ALDH1B1: variants seen among roughly 807,000 people sequenced by gnomAD.
ALDH1B1 encodes the protein aldehyde dehydrogenase 1 family member B1, also known as aldehyde dehydrogenase family 1 member B1, mitochondrial.
Under a neutral mutation model 26.2 loss-of-function variants are expected in ALDH1B1, and 19 were observed. That is an observed-to-expected ratio of 0.72 (90% CI 0.51 to 1.06). The LOEUF (loss-of-function observed/expected upper bound fraction) is 1.06, where lower values mean the gene tolerates loss of function less well. Ranked by LOEUF, ALDH1B1 falls within the 50% of genes least tolerant of loss-of-function variation. The pLI is 0.00. For missense variants in ALDH1B1, 671 were observed against 683.1 expected (o/e 0.98, Z 0.20); for synonymous variants, 249 against 286.0 (o/e 0.87, Z 1.31).
At chr9:38,395,703 C>T (rs1821264328) in intron 1 of ALDH1B1, 37 bp from the exon 2 acceptor site, 1 of 1,529,750 alleles carries the variant, frequency 6.5e-7, no homozygotes, top group Non-Finnish European at 8.8e-7. Flanking sequence ...CTGCCTTCTC[C>T]CACCTGTTCA....
At position 38,396,390 on chromosome 9, in the gene ALDH1B1, C is replaced by A. The variant is rs1821286136; in HGVS notation, c.642C>A (p.Thr214=). Residue 214 remains threonine (T), a synonymous_variant, in exon 2 of 2, where the codon ACC becomes ACA. Coordinates refer to ENST00000377698, the MANE Select transcript of ALDH1B1 (RefSeq NM_000692.5). Reference sequence around the variant, plus strand: ...TGGTTATGAAGGTGGCAGAGCAGACCCCCCTCTCTGCCCTGTATTTGGCCT... The same window carrying A: ...TGGTTATGAAGGTGGCAGAGCAGACACCCCTCTCTGCCCTGTATTTGGCCT... ...NTVVMKVAEQ[T]PLSALYLASL... 1.2e-6 allele frequency: 2 copies of A among 1,614,174 alleles called. No individual in the cohort carries two copies. Among genetic ancestry groups the A allele is most frequent in the Non-Finnish European group, 1.7e-6 (2 of 1,180,048 alleles).
At chr9:38,393,548 T>G (rs1205910483) in intron 1 of ALDH1B1, among the ~76,000 whole-genome samples, 1 of 152,230 alleles carries the variant, frequency 6.6e-6, no homozygotes, top group Non-Finnish European at 1.5e-5. Flanking sequence ...CCTTGGCCTA[T>G]GACCACCTCT....
chr9:38,393,642 A>C (rs1254302383), intron 1 of ALDH1B1, among the ~76,000 whole-genome samples: 1 of 152,062 alleles, frequency 6.6e-6, no homozygotes, highest in Non-Finnish European at 1.5e-5. Flanking sequence ...CCTCACCCTC[A>C]GAGCCAGGCC....
At position 38,395,981 on chromosome 9, in the gene ALDH1B1, G is replaced by A. The variant is rs746993033; in HGVS notation, c.233G>A (p.Arg78Gln). The change falls in exon 2 of 2, where the codon CGG (arginine) becomes CAG (glutamine). Residue 78 changes from arginine (R) to glutamine (Q), a missense_variant. By Grantham distance (43) the Arg-to-Gln change is conservative (BLOSUM62 1). Transcript: ENST00000377698. ...VAEGDRADVD[R>Q]AVKAAREAFR... The stretch of plus-strand genomic sequence containing the variant: ...GAAGGTGACCGGGCTGATGTGGATC[G>A]GGCCGTGAAAGCAGCCCGGGAAGCC... 7 of 1,613,656 alleles carry A rather than the reference G, an allele frequency of 4.3e-6. No individual in the cohort carries two copies. In the East Asian group the frequency reaches 6.7e-5, roughly 15 times the overall value.
At position 38,396,385 on chromosome 9, in the gene ALDH1B1, C is replaced by A. The variant is rs1290194572; in HGVS notation, c.637C>A (p.Gln213Lys). 1 of 1,614,210 alleles carries A rather than the reference C, an allele frequency of 6.2e-7. No homozygotes were observed. The highest frequency in any genetic ancestry group is 1.3e-5 in the African/African-American group (1 of 75,078). Reference protein sequence around the residue: ...GNTVVMKVAEQTPLSALYLAS... With the variant: ...GNTVVMKVAEKTPLSALYLAS... ...CACTGTGGTTATGAAGGTGGCAGAGCAGACCCCCCTCTCTGCCCTGTATTT... is the reference window on the plus strand; with the variant it reads ...CACTGTGGTTATGAAGGTGGCAGAGAAGACCCCCCTCTCTGCCCTGTATTT... The change falls in exon 2 of 2, where the codon CAG becomes AAG. Residue 213 changes from glutamine to lysine, a missense_variant. Physicochemically the swap from Gln to Lys is moderately conservative, Grantham distance 53. Transcript: ENST00000377698.
intron 1 of ALDH1B1, among the ~76,000 whole-genome samples, chr9:38,395,263 C>T (rs1821255922): frequency 6.6e-6 from 1 of 152,168 alleles, no homozygotes; most frequent in Admixed American, 6.5e-5. Flanking sequence ...GTGTGTTGAG[C>T]CGCTGCTCTG....
In ALDH1B1 at chr9:38,397,077, C is replaced by T. The variant is rs1330906509; in HGVS notation, c.1329C>T (p.Gly443=). The T allele has an allele frequency of 6.2e-7, 1 of 1,614,060 alleles. No homozygotes were observed. The highest frequency in any genetic ancestry group is 8.5e-7 in the Non-Finnish European group (1 of 1,180,044). The change falls in exon 2 of 2, where the codon GGC becomes GGT. Residue 443 remains glycine, a synonymous_variant. Transcript: ENST00000377698. ...AGAGGGCCAACAACACCAGGTATGG[C>T]CTGGCTGCGGCTGTGTTCACCCGGG... ...VVERANNTRY[G]LAAAVFTRDL... is the part of the protein sequence containing the mutation.
At position 38,396,921 on chromosome 9, in the gene ALDH1B1, C is replaced by T. The variant is rs749354934; in HGVS notation, c.1173C>T (p.Phe391=). 2.1e-5 allele frequency: 34 copies of T among 1,614,134 alleles called. No individual in the cohort carries two copies. Among genetic ancestry groups the T allele is most frequent in the Admixed American group, 3.3e-5 (2 of 60,030 alleles). Residue 391 remains phenylalanine (F), a synonymous_variant, in exon 2 of 2, where the codon TTC becomes TTT. Coordinates refer to ENST00000377698, the MANE Select transcript of ALDH1B1 (RefSeq NM_000692.5). ...AACTCCTCTGTGGCGGAGAGCGTTT[C>T]GGGGAGCGTGGTTTCTTCATCAAGC... ...GAKLLCGGER[F]GERGFFIKPT...
chr9:38,393,557 C>G (rs1047503751), intron 1 of ALDH1B1, among the ~76,000 whole-genome samples: 3 of 152,214 alleles, frequency 2.0e-5, no homozygotes, highest in Non-Finnish European at 4.4e-5. Flanking sequence ...ATGACCACCT[C>G]TCCTGACTGC....
intron 1 of ALDH1B1, among the ~76,000 whole-genome samples, chr9:38,394,311 A>G (rs894925982): frequency 6.6e-6 from 1 of 152,062 alleles, no homozygotes; most frequent in Admixed American, 6.6e-5. Context: ...TTTTTTAGAT[A>G]CAGTCTTGTT....
Position 38,397,135 on chromosome 9 carries a change from C to T in ALDH1B1, c.1387C>T (p.Leu463Phe), listed in dbSNP as rs1179133037. ...LDKAMYFTQA[L>F]QAGTVWVNTY... is the part of the protein sequence containing the mutation. ...CAAGGCCATGTACTTCACCCAGGCA[C>T]TCCAGGCCGGGACCGTGTGGGTAAA... is the stretch of plus-strand genomic sequence containing the variant. Residue 463 changes from leucine (L) to phenylalanine (F), a missense_variant, in exon 2 of 2, where the codon CTC becomes TTC. Coordinates refer to ENST00000377698, the MANE Select transcript of ALDH1B1 (RefSeq NM_000692.5). The T allele has an allele frequency of 1.9e-6, 3 of 1,614,068 alleles. No individual in the cohort carries two copies. In the African/African-American group the frequency reaches 4.0e-5, roughly 22 times the overall value.
rs759100030 is a variant in ALDH1B1 at position 38,397,046 on chromosome 9, T to C, written c.1298T>C (p.Val433Ala). The C allele has an allele frequency of 5.0e-6, 8 of 1,613,924 alleles. No individual in the cohort carries two copies. The highest frequency in any genetic ancestry group is 8.5e-7 in the Non-Finnish European group (1 of 1,179,980). ...TTCAAGTTCAAGAAGATTGAGGAGG[T>C]GGTTGAGAGGGCCAACAACACCAGG... ...PLFKFKKIEE[V>A]VERANNTRYG... The change falls in exon 2 of 2, where the codon GTG (valine) becomes GCG (alanine). Residue 433 changes from valine to alanine, a missense_variant. Coordinates refer to ENST00000377698, the MANE Select transcript of ALDH1B1 (RefSeq NM_000692.5).
At chr9:38,395,243 A>G (rs1245417275) in intron 1 of ALDH1B1, among the ~76,000 whole-genome samples, 1 of 152,194 alleles carries the variant, frequency 6.6e-6, no homozygotes, top group Non-Finnish European at 1.5e-5. Flanking sequence ...TCAGTGTATC[A>G]TTCAGTACTG....
chr9:38,395,596 G>C, intron 1 of ALDH1B1, 144 bp from the exon 2 acceptor site: 1 of 1,196,294 alleles, frequency 8.4e-7, no homozygotes, highest in Non-Finnish European at 1.1e-6. Flanking sequence ...GTTCATCAGG[G>C]CCCTCACAGC....
intron 1 of ALDH1B1, among the ~76,000 whole-genome samples, chr9:38,393,798 A>G (rs1273615407): frequency 2.0e-5 from 3 of 149,648 alleles, no homozygotes; most frequent in Non-Finnish European, 3.0e-5. Flanking sequence ...TCAATCTTTT[A>G]TTCTTTAATT....
chr9:38,396,025 T>C lies in ALDH1B1; in HGVS notation c.277T>C (p.Trp93Arg), dbSNP rs761172274. The C allele has an allele frequency of 2.5e-6, 4 of 1,613,694 alleles. No individual in the cohort carries two copies. The highest frequency in any genetic ancestry group is 2.2e-5 in the South Asian group (2 of 91,080). ...AREAFRLGSP[W>R]RRMDASERGR... ...GGAAGCCTTCCGCCTGGGGTCCCCA[T>C]GGCGCCGGATGGATGCCTCTGAGCG... The change falls in exon 2 of 2, where the codon TGG (tryptophan) becomes CGG (arginine). Residue 93 changes from tryptophan (W) to arginine (R), a missense_variant. Transcript: ENST00000377698.
chr9:38,394,210 G>T (rs566138598), intron 1 of ALDH1B1, among the ~76,000 whole-genome samples: 1 of 152,182 alleles, frequency 6.6e-6, no homozygotes. Context: ...TCCTGTGTTC[G>T]AGTGTTCAAT....
chr9:38,398,319 T>TC lies in ALDH1B1; in HGVS notation c.*1017_*1018insC, dbSNP rs1400990613. 1 of 159,884 alleles carries TC rather than the reference T, an allele frequency of 6.3e-6. No homozygotes were observed. The highest frequency in any genetic ancestry group is 1.5e-5 in the Non-Finnish European group (1 of 67,194). 9.9% of individuals were successfully genotyped at this position (159,884 alleles called of 1,614,324 possible). On this transcript the variant is annotated 3_prime_UTR_variant, in exon 2 of 2. Coordinates refer to ENST00000377698, the MANE Select transcript of ALDH1B1 (RefSeq NM_000692.5). The stretch of plus-strand genomic sequence containing the variant: ...ATTAATTTCTTTCTTTTTTTCTTTT[T>TC]TTTTTTTTTTTTTGACACGGAGTCT...
intron 1 of ALDH1B1, chr9:38,394,636 T>G (rs759570054): frequency 1.7e-5 from 17 of 985,236 alleles, no homozygotes; most frequent in Admixed American, 6.2e-5. Flanking sequence ...CTTTCCTGAT[T>G]GAGTTTTTTG....
Sources: gnomAD v4.1 joint callset for allele counts (sites outside exome capture counted in the v4.1 genomes callset) on GRCh38, gnomAD v4.1.1 for gene constraint, MANE v1.5 for transcripts, NCBI Gene and HGNC (gene_info 2026-07-23, HGNC 2026-07-21) for gene names.